Variants in GATAD2B observed in about 807,000 individuals in gnomAD.
GATAD2B encodes the protein transcriptional repressor p66-beta.
In GATAD2B, 8 loss-of-function variants were observed where a neutral mutation model predicts 64.3. That is an observed-to-expected ratio of 0.12 (90% CI 0.07 to 0.22). The LOEUF (loss-of-function observed/expected upper bound fraction) is 0.22. GATAD2B is among the 10% of genes least tolerant of loss of function. The pLI is 1.00. For synonymous variants in GATAD2B, 281 were observed against 271.3 expected, an observed-to-expected ratio of 1.04 and a Z score of -0.35; for missense variants, 453 against 752.0, an observed-to-expected ratio of 0.60 and a Z score of 4.65.
At chr1:153,904,146 G>A (rs749909515) in intron 1 of GATAD2B, among the ~76,000 whole-genome samples, 48 of 152,016 alleles carry the variant, frequency 3.2e-4, no homozygotes, top group Non-Finnish European at 4.7e-4. Flanking sequence ...CGGGCGTGGT[G>A]GCAGGCATCT....
At chr1:153,830,876 CA>C (rs1675056050) in intron 1 of GATAD2B, among the ~76,000 whole-genome samples, 1 of 152,068 alleles carries the variant, frequency 6.6e-6, no homozygotes, top group South Asian at 2.1e-4. Context: ...TCTAGGGCTC[CA>C]ACAATCCTCC....
At chr1:153,908,850 A>G (rs1678032179) in intron 1 of GATAD2B, among the ~76,000 whole-genome samples, 1 of 151,466 alleles carries the variant, frequency 6.6e-6, no homozygotes, top group Non-Finnish European at 1.5e-5. Context: ...AGGCTGGAAC[A>G]CAGTGGTGCA....
chr1:153,920,560 T>A (rs542019058), intron 1 of GATAD2B, among the ~76,000 whole-genome samples: 19 of 152,332 alleles, frequency 1.2e-4, no homozygotes, highest in African/African-American at 4.6e-4. Flanking sequence ...CAGCCTATAT[T>A]CAGACCCTAC....
chr1:153,812,189 C>A, intron 8 of GATAD2B, 57 bp from the exon 9 acceptor site: 6 of 741,062 alleles, frequency 8.1e-6, no homozygotes, highest in Non-Finnish European at 1.2e-5. Context: ...TACCCAATTT[C>A]CTTTTTTTTT....
intron 1 of GATAD2B, among the ~76,000 whole-genome samples, chr1:153,867,477 C>G (rs1676516568): frequency 6.6e-6 from 1 of 151,900 alleles, no homozygotes; most frequent in Non-Finnish European, 1.5e-5. Context: ...CCATTGTACT[C>G]CAGCTTGGGT....
intron 1 of GATAD2B, among the ~76,000 whole-genome samples, chr1:153,861,475 A>G (rs1239341435): frequency 6.6e-6 from 1 of 151,628 alleles, no homozygotes; most frequent in East Asian, 1.9e-4. Flanking sequence ...ATTTCAAAGA[A>G]ACATCATTAA....
chr1:153,828,694 G>T (rs1284244103), intron 1 of GATAD2B, among the ~76,000 whole-genome samples: 2 of 151,668 alleles, frequency 1.3e-5, no homozygotes, highest in African/African-American at 4.8e-5. Context: ...ATGTTCAAGG[G>T]TACATGTGCA....
Position 153,863,079 on chromosome 1 carries a change from A to G in GATAD2B, c.-1-34731T>C, listed in dbSNP as rs2101922612. Among the ~76,000 whole-genome samples the G allele has an allele frequency of 2.0e-5, 3 of 152,218 alleles. No homozygotes were observed. The Middle Eastern group carries it at 0.01, about 518-fold the overall frequency. On this transcript the variant is annotated intron_variant, in intron 1 of 10. Transcript: ENST00000368655. ...AATGCAGCTTCCCAGGCCCTATTTC[A>G]TGACATTAAATTTATTTGGGTGGGG...
intron 1 of GATAD2B, chr1:153,890,465 G>A (rs1677341223): frequency 6.7e-6 from 1 of 149,358 alleles, no homozygotes; most frequent in Non-Finnish European, 1.5e-5. Flanking sequence ...TCCAGCCTAG[G>A]CGAAAGAACA....
rs149222630 is a variant in GATAD2B, at chr1:153,890,414, G to A, written c.-2+32319C>T. On this transcript the variant is annotated intron_variant, in intron 1 of 10. Coordinates refer to ENST00000368655, the MANE Select transcript of GATAD2B (RefSeq NM_020699.4). Reference sequence around the variant, plus strand: ...GAGGCAGAAGAATCGCATAAACCCAGGAGGCAGAGGTTGCAGTGAGCCAAG... The same window carrying A: ...GAGGCAGAAGAATCGCATAAACCCAAGAGGCAGAGGTTGCAGTGAGCCAAG... 1.9e-3 allele frequency among the ~76,000 whole-genome samples: 281 copies of A among 151,326 alleles called. 2 individuals carry two copies. Among genetic ancestry groups the A allele is most frequent in the African/African-American group, 6.4e-3 (265 of 41,198 alleles).
chr1:153,861,682 C>T (rs1676286553), intron 1 of GATAD2B, among the ~76,000 whole-genome samples: 1 of 146,624 alleles, frequency 6.8e-6, no homozygotes, highest in Admixed American at 6.9e-5. Flanking sequence ...ACTTGGAGGT[C>T]GAGGCAGAAG....
chr1:153,904,721 T>C (rs78109451), intron 1 of GATAD2B, among the ~76,000 whole-genome samples: 2 of 151,898 alleles, frequency 1.3e-5, no homozygotes, highest in East Asian at 1.9e-4. Context: ...TTTTTTTTTT[T>C]CTCAGACAGA....
chr1:153,841,146 AAAAG>A (rs1257994426), intron 1 of GATAD2B, among the ~76,000 whole-genome samples: 3 of 151,846 alleles, frequency 2.0e-5, no homozygotes, highest in African/African-American at 4.8e-5. Flanking sequence ...AAAAAAGAAA[AAAAG>A]AAAAAAAAAG....
intron 1 of GATAD2B, among the ~76,000 whole-genome samples, chr1:153,862,001 C>T (rs1039754878): frequency 2.0e-5 from 3 of 150,484 alleles, no homozygotes; most frequent in Non-Finnish European, 4.4e-5. Context: ...GAATAATAAG[C>T]TCCCTGCCAT....
chr1:153,812,250 G>A (rs1674318978), intron 8 of GATAD2B, 118 bp from the exon 9 acceptor site: 12 of 618,632 alleles, frequency 1.9e-5, no homozygotes, highest in Non-Finnish European at 3.1e-5. Context: ...GGCTGGTCTG[G>A]CACTCCTGGG....
chr1:153,841,124 CAAA>C (rs941317761), intron 1 of GATAD2B, among the ~76,000 whole-genome samples: 7 of 77,432 alleles, frequency 9.0e-5, no homozygotes, highest in Admixed American at 2.7e-4. Context: ...GACTCCGTCT[CAAA>C]AAAAAAAAAA....
At chr1:153,907,318 C>T (rs1224525189) in intron 1 of GATAD2B, among the ~76,000 whole-genome samples, 1 of 152,182 alleles carries the variant, frequency 6.6e-6, no homozygotes, top group Non-Finnish European at 1.5e-5. Context: ...GAATATTATT[C>T]AGCCTTAAAA....
At position 153,818,001 on chromosome 1, in the gene GATAD2B, C is replaced by T. The variant is rs77062572; in HGVS notation, c.729+39G>A. On this transcript the variant is annotated intron_variant, in intron 5 of 10. Coordinates refer to ENST00000368655, the MANE Select transcript of GATAD2B (RefSeq NM_020699.4). Reference sequence around the variant, plus strand: ...CCAAAAACAGAGACAGGATTAGACACGGCCCTCCAACACTAAGATCCCACT... The same window carrying T: ...CCAAAAACAGAGACAGGATTAGACATGGCCCTCCAACACTAAGATCCCACT... The T allele has an allele frequency of 2.3e-3, 3,506 of 1,534,250 alleles. 64 individuals are homozygous for T. The African/African-American group carries it at 0.043, about 19-fold the overall frequency.
chr1:153,909,498 C>A (rs575461289), intron 1 of GATAD2B, among the ~76,000 whole-genome samples: 1 of 151,648 alleles, frequency 6.6e-6, no homozygotes, highest in African/African-American at 2.4e-5. Flanking sequence ...CCATGCCCGG[C>A]CACATTAAAA....
Sources: allele counts gnomAD v4.1 joint callset (sites outside exome capture counted in the v4.1 genomes callset), GRCh38; gene constraint gnomAD v4.1.1; transcripts MANE v1.5; gene names NCBI Gene and HGNC (gene_info 2026-07-23, HGNC 2026-07-21).